Variants in IQCM observed in about 807,000 individuals in gnomAD.
IQCM encodes IQ motif containing M.
Under a neutral mutation model 57.6 loss-of-function variants are expected in IQCM, and 45 were observed. That is an observed-to-expected ratio of 0.78 (90% CI 0.62 to 1.00). IQCM has a LOEUF of 1.00. Among genes scored for constraint, IQCM ranks in the 50% least tolerant of loss-of-function variants. IQCM has a pLI of 0.00. For missense variants in IQCM, 468 were observed against 511.6 expected (o/e 0.91, Z 0.82); for synonymous variants, 148 against 158.9 (o/e 0.93, Z 0.51).
chr4:149,789,031 T>G (rs917053334), intron 2 of IQCM, among the ~76,000 whole-genome samples: 1 of 152,146 alleles, frequency 6.6e-6, no homozygotes, highest in Non-Finnish European at 1.5e-5. Context: ...GAGAGGCTGG[T>G]TAATGGGTAC....
At chr4:149,450,094 A>G (rs930774556) in intron 12 of IQCM, among the ~76,000 whole-genome samples, 15 of 151,878 alleles carry the variant, frequency 9.9e-5, no homozygotes, top group African/African-American at 3.6e-4. Flanking sequence ...AAGTGCCAAG[A>G]ACATATACTG....
chr4:149,809,315 C>A (rs1257951604), intron 2 of IQCM, among the ~76,000 whole-genome samples: 1 of 151,630 alleles, frequency 6.6e-6, no homozygotes, highest in Non-Finnish European at 1.5e-5. Flanking sequence ...ACTGGTGTCA[C>A]TATAATAAAA....
chr4:149,655,546 G>A (rs1001776324), intron 7 of IQCM, among the ~76,000 whole-genome samples: 2 of 152,088 alleles, frequency 1.3e-5, no homozygotes, highest in African/African-American at 4.8e-5. Context: ...TGTGAACAGT[G>A]GGGAATCATA....
intron 2 of IQCM, among the ~76,000 whole-genome samples, chr4:149,788,834 T>C (rs539566763): frequency 6.6e-6 from 1 of 152,304 alleles, no homozygotes; most frequent in South Asian, 2.1e-4. Context: ...TAAAAGCCTG[T>C]CATTTGTAGC....
intron 7 of IQCM, among the ~76,000 whole-genome samples, chr4:149,646,956 C>G (rs1267884784): frequency 6.6e-6 from 1 of 152,158 alleles, no homozygotes; most frequent in Non-Finnish European, 1.5e-5. Flanking sequence ...TGCACTCCAA[C>G]CTGGGTGACA....
intron 7 of IQCM, among the ~76,000 whole-genome samples, chr4:149,660,501 T>C (rs1202858145): frequency 6.6e-6 from 1 of 152,144 alleles, no homozygotes; most frequent in Admixed American, 6.5e-5. Flanking sequence ...CAAAGGACTA[T>C]AAATCATGCT....
intron 13 of IQCM, among the ~76,000 whole-genome samples, chr4:149,427,012 T>C (rs554030866): frequency 2.0e-4 from 31 of 152,026 alleles, no homozygotes; most frequent in South Asian, 4.2e-4. Context: ...TTTAAATAGA[T>C]AGTAAATTCA....
chr4:149,618,024 A>G (rs1755953648), intron 8 of IQCM, among the ~76,000 whole-genome samples: 1 of 152,226 alleles, frequency 6.6e-6, no homozygotes, highest in Admixed American at 6.5e-5. Flanking sequence ...TTTATATGGA[A>G]GCAAAAAAGA....
At chr4:149,583,720 T>A (rs941423870) in intron 9 of IQCM, among the ~76,000 whole-genome samples, 2 of 151,604 alleles carry the variant, frequency 1.3e-5, no homozygotes, top group African/African-American at 2.4e-5. Flanking sequence ...GTATTTTTTC[T>A]TATGGAAAAT....
At chr4:149,458,950 C>G (rs1403681936) in intron 12 of IQCM, among the ~76,000 whole-genome samples, 1 of 152,066 alleles carries the variant, frequency 6.6e-6, no homozygotes. Context: ...TAATGGAAGT[C>G]ATAACAATAA....
At chr4:149,532,569 T>C (rs1309556694) in intron 12 of IQCM, among the ~76,000 whole-genome samples, 1 of 152,026 alleles carries the variant, frequency 6.6e-6, no homozygotes. Context: ...CATTTCTTTT[T>C]ATCACTAGAG....
chr4:149,624,906 G>A (rs542014163), intron 7 of IQCM, among the ~76,000 whole-genome samples: 23 of 152,124 alleles, frequency 1.5e-4, no homozygotes, highest in Non-Finnish European at 2.9e-4. Context: ...TAGTGGTCCC[G>A]TGTCCCTAGA....
In IQCM at chr4:149,433,620, T is replaced by C. The variant is rs189128568; in HGVS notation, c.1229-63A>G. 25 of 607,410 alleles carry C rather than the reference T, an allele frequency of 4.1e-5. 1 individual carries two copies. The African/African-American group carries it at 4.4e-4, about 11-fold the overall frequency. 37.6% of individuals were successfully genotyped at this position (607,410 alleles called of 1,614,324 possible). A position where few individuals can be genotyped will look rare whatever the true frequency, so the allele number is the denominator to read the frequency against. ...TTTTACAGACTGTCATACTTGCTTCTTTTAAGGGATGCAAATTAAAAACTA... is the reference window on the plus strand; with the variant it reads ...TTTTACAGACTGTCATACTTGCTTCCTTTAAGGGATGCAAATTAAAAACTA... On this transcript the variant is annotated intron_variant, in intron 12 of 13. Coordinates refer to ENST00000636793, the MANE Select transcript of IQCM (RefSeq NM_001363507.2).
intron 12 of IQCM, among the ~76,000 whole-genome samples, chr4:149,459,811 C>T (rs1738082286): frequency 6.6e-6 from 1 of 151,934 alleles, no homozygotes; most frequent in South Asian, 2.1e-4. Flanking sequence ...ATGTATATAC[C>T]ACATTTTGCT....
chr4:149,715,813 C>G (rs1439047874), intron 5 of IQCM, among the ~76,000 whole-genome samples: 1 of 152,218 alleles, frequency 6.6e-6, no homozygotes, highest in East Asian at 1.9e-4. Context: ...TCCGCAGATT[C>G]CTCTCCACAG....
At chr4:149,429,876 C>T in intron 13 of IQCM, 1 of 666,716 alleles carries the variant, frequency 1.5e-6, no homozygotes, top group Non-Finnish European at 2.1e-6. Context: ...AGAAAAAAAT[C>T]AGCAAAAAGC....
intron 7 of IQCM, among the ~76,000 whole-genome samples, chr4:149,653,130 T>G (rs1293529665): frequency 6.6e-6 from 1 of 152,140 alleles, no homozygotes; most frequent in Admixed American, 6.6e-5. Context: ...ACCAAAATTT[T>G]GAGAGGGAAA....
At chr4:149,761,429 C>T (rs76603996) in intron 2 of IQCM, among the ~76,000 whole-genome samples, 1,955 of 152,102 alleles carry the variant, frequency 0.013, 18 homozygotes, top group South Asian at 0.018. Context: ...CTTAGTTTTG[C>T]TCATGCTGCT....
chr4:149,671,957 C>G (rs1188231783), intron 7 of IQCM, among the ~76,000 whole-genome samples: 1 of 152,112 alleles, frequency 6.6e-6, no homozygotes, highest in Non-Finnish European at 1.5e-5. Context: ...AACATTTGCC[C>G]CTCTGCAATA....
Sources: allele counts gnomAD v4.1 joint callset (sites outside exome capture counted in the v4.1 genomes callset), GRCh38; gene constraint gnomAD v4.1.1; transcripts MANE v1.5; gene names NCBI Gene and HGNC (gene_info 2026-07-23, HGNC 2026-07-21).